Variants in UGT1A9 observed in about 807,000 individuals in gnomAD.
UGT1A9 encodes UDP glucuronosyltransferase family 1 member A9, also known as UDP-glucuronosyltransferase 1A9.
UGT1A9 carries 35 observed loss-of-function variants against 45.0 expected under a neutral mutation model. The observed-to-expected ratio is 0.78, with a 90% CI of 0.59 to 1.03. The LOEUF (loss-of-function observed/expected upper bound fraction) is 1.03. Among genes scored for constraint, UGT1A9 ranks in the 50% least tolerant of loss-of-function variants. UGT1A9 has a pLI of 0.00. For synonymous variants in UGT1A9, 278 were observed against 250.6 expected (o/e 1.11, Z -1.03); for missense variants, 687 against 666.6 (o/e 1.03, Z -0.34).
At chr2:233,690,890 A>T in intron 1 of UGT1A9, 16 of 1,058,460 alleles carry the variant, frequency 1.5e-5, no homozygotes, top group Non-Finnish European at 1.8e-5. Context: ...AATTCAAGGG[A>T]TGGTATGCAT....
chr2:233,688,618 A>T (rs183545370), intron 1 of UGT1A9, among the ~76,000 whole-genome samples: 49 of 152,324 alleles, frequency 3.2e-4, no homozygotes, highest in Admixed American at 2.9e-3. Context: ...CTCAGCAAAC[A>T]TGAGTTCGTC....
At chr2:233,710,322 C>T (rs2076126104) in intron 1 of UGT1A9, among the ~76,000 whole-genome samples, 1 of 152,166 alleles carries the variant, frequency 6.6e-6, no homozygotes, top group Non-Finnish European at 1.5e-5. Flanking sequence ...GTATGTATGA[C>T]TTCATAAGAA....
chr2:233,768,737 C>A (rs947383404), intron 4 of UGT1A9, among the ~76,000 whole-genome samples: 9 of 151,868 alleles, frequency 5.9e-5, no homozygotes, highest in Admixed American at 5.2e-4. Flanking sequence ...TGTCCACCAC[C>A]ACGCCCGGTT....
intron 1 of UGT1A9, among the ~76,000 whole-genome samples, chr2:233,675,785 T>G (rs1389957928): frequency 6.6e-6 from 1 of 152,194 alleles, no homozygotes; most frequent in Non-Finnish European, 1.5e-5. Flanking sequence ...TAAAAATAAA[T>G]TTGTATGTTT....
chr2:233,762,413 T>A (rs977567909), intron 1 of UGT1A9, among the ~76,000 whole-genome samples: 9 of 152,252 alleles, frequency 5.9e-5, no homozygotes, highest in African/African-American at 2.2e-4. Flanking sequence ...GGTTGCTTTT[T>A]CTACAAAATA....
At chr2:233,680,011 TTC>T (rs892879074) in intron 1 of UGT1A9, among the ~76,000 whole-genome samples, 4 of 152,052 alleles carry the variant, frequency 2.6e-5, no homozygotes, top group Non-Finnish European at 5.9e-5. Context: ...TTTTCTTTCT[TTC>T]TCTCTCTCTC....
At chr2:233,677,499 G>A (rs2074392259) in intron 1 of UGT1A9, among the ~76,000 whole-genome samples, 1 of 152,058 alleles carries the variant, frequency 6.6e-6, no homozygotes, top group African/African-American at 2.4e-5. Context: ...TATGTTATTA[G>A]TATTATATCC....
At chr2:233,757,845 T>C (rs1338801014) in intron 1 of UGT1A9, among the ~76,000 whole-genome samples, 1 of 151,974 alleles carries the variant, frequency 6.6e-6, no homozygotes, top group Non-Finnish European at 1.5e-5. Context: ...TACTAACTTA[T>C]GTCTTCAGCT....
intron 1 of UGT1A9, chr2:233,755,367 G>A: frequency 2.8e-6 from 1 of 362,114 alleles, no homozygotes; most frequent in Non-Finnish European, 5.3e-6. Context: ...TGGGCCGCCT[G>A]GAGGGCCGCC....
intron 1 of UGT1A9, chr2:233,743,038 A>G (rs968490640): frequency 1.2e-4 from 34 of 283,020 alleles, no homozygotes; most frequent in Non-Finnish European, 2.1e-5. Context: ...CAGAGGTCCT[A>G]TCCGTGTAGT....
chr2:233,755,188 G>A (rs1436949079), intron 1 of UGT1A9: 2 of 1,163,192 alleles, frequency 1.7e-6, no homozygotes, highest in Admixed American at 1.9e-5. Flanking sequence ...TGCCACTTGA[G>A]CGCCAGCTTG....
At chr2:233,678,335 C>G (rs7582907) in intron 1 of UGT1A9, among the ~76,000 whole-genome samples, 92,481 of 151,102 alleles carry the variant, frequency 0.61, 28,518 homozygotes, top group South Asian at 0.65. Flanking sequence ...AAGAGGAAGT[C>G]ATTCATCATA....
intron 4 of UGT1A9, among the ~76,000 whole-genome samples, chr2:233,768,959 C>T (rs1259546166): frequency 6.6e-6 from 1 of 152,056 alleles, no homozygotes; most frequent in African/African-American, 2.4e-5. Flanking sequence ...TATAATTTAT[C>T]ATATAATTTA....
At chr2:233,712,414 T>A (rs2125628323) in intron 1 of UGT1A9, among the ~76,000 whole-genome samples, 1 of 152,336 alleles carries the variant, frequency 6.6e-6, no homozygotes, top group East Asian at 1.9e-4. Flanking sequence ...CTTTGAGCTT[T>A]ACAAGAAATA....
At chr2:233,746,037 G>A (rs1056217183) in intron 1 of UGT1A9, among the ~76,000 whole-genome samples, 1 of 151,708 alleles carries the variant, frequency 6.6e-6, no homozygotes, top group African/African-American at 2.4e-5. Context: ...CTTACTTGCT[G>A]GCTTGGATGC....
At chr2:233,737,640 G>A (rs1245829598) in intron 1 of UGT1A9, among the ~76,000 whole-genome samples, 6 of 152,138 alleles carry the variant, frequency 3.9e-5, no homozygotes, top group African/African-American at 7.2e-5. Context: ...CTTCTGCGTC[G>A]ATCATGCTGG....
At chr2:233,754,911 T>G (rs1467040876) in intron 1 of UGT1A9, 5 of 1,353,490 alleles carry the variant, frequency 3.7e-6, no homozygotes, top group Non-Finnish European at 5.0e-6. Flanking sequence ...CAAAATATTC[T>G]CCAGCGGGTT....
At chr2:233,706,081 C>A (rs1426237626) in intron 1 of UGT1A9, among the ~76,000 whole-genome samples, 2 of 151,228 alleles carry the variant, frequency 1.3e-5, no homozygotes, top group Non-Finnish European at 2.9e-5. Flanking sequence ...GGTGACAGAG[C>A]TAGATTCTGT....
chr2:233,718,884 G>T (rs755101119), intron 1 of UGT1A9: 44 of 1,614,026 alleles, frequency 2.7e-5, no homozygotes, highest in Non-Finnish European at 3.6e-5. Flanking sequence ...CCTCCTCAGT[G>T]TCCAGCCCTG....
Sources: allele counts gnomAD v4.1 joint callset (sites outside exome capture counted in the v4.1 genomes callset), GRCh38; gene constraint gnomAD v4.1.1; transcripts MANE v1.5; gene names NCBI Gene and HGNC (gene_info 2026-07-23, HGNC 2026-07-21).